NAV2: variants seen among roughly 807,000 people sequenced by gnomAD.
NAV2 encodes neuron navigator 2.
In NAV2, 54 loss-of-function variants were observed where a neutral mutation model predicts 223.2. The ratio of observed to expected loss-of-function variants is 0.24; its 90% CI spans 0.19 to 0.30. NAV2 has a LOEUF of 0.30. Among genes scored for constraint, NAV2 ranks in the 10% least tolerant of loss-of-function variants. The probability of loss-of-function intolerance (pLI) is 1.00; values close to 1 mark genes in which losing one functional copy is unlikely to be tolerated. For missense variants in NAV2, 2,806 were observed against 3,147.5 expected, an observed-to-expected ratio of 0.89 and a Z score of 2.60; for synonymous variants, 1,279 against 1,239.3, an observed-to-expected ratio of 1.03 and a Z score of -0.67.
At chr11:19,726,671 T>C (rs1343561416) in intron 1 of NAV2, among the ~76,000 whole-genome samples, 2 of 152,246 alleles carry the variant, frequency 1.3e-5, no homozygotes, top group African/African-American at 2.4e-5. Context: ...TCTGCCCACT[T>C]TTTGTGATCT....
chr11:20,096,084 G>A (rs1242426210), intron 30 of NAV2, among the ~76,000 whole-genome samples: 2 of 152,210 alleles, frequency 1.3e-5, no homozygotes, highest in African/African-American at 4.8e-5. Context: ...CCTTAGAATT[G>A]TGTCTTAGGA....
chr11:20,064,515 A>G (rs1168714830), intron 20 of NAV2, among the ~76,000 whole-genome samples: 1 of 152,090 alleles, frequency 6.6e-6, no homozygotes, highest in Non-Finnish European at 1.5e-5. Context: ...AAAATGGGAG[A>G]CTGGCCAGCA....
intron 29 of NAV2, among the ~76,000 whole-genome samples, chr11:20,093,743 G>C (rs1241690045): frequency 1.3e-5 from 2 of 152,142 alleles, no homozygotes; most frequent in Non-Finnish European, 2.9e-5. Context: ...AGTTTTCCTA[G>C]TACGGTTTCT....
intron 1 of NAV2, among the ~76,000 whole-genome samples, chr11:19,725,332 G>A (rs1442016754): frequency 2.6e-5 from 4 of 152,158 alleles, no homozygotes; most frequent in South Asian, 2.1e-4. Flanking sequence ...CAGTGCTGCC[G>A]CCCACTAAAC....
At chr11:19,905,902 C>T (rs148412356) in intron 6 of NAV2, among the ~76,000 whole-genome samples, 34 of 152,244 alleles carry the variant, frequency 2.2e-4, no homozygotes, top group South Asian at 1.7e-3. Context: ...CTTGTGGGAG[C>T]GAACCTTTTT....
At position 19,558,274 on chromosome 11, in the gene NAV2, G is replaced by A. The variant is rs999638871; in HGVS notation, c.75+207247G>A. ...CTGCAATTAGGGCAGGGCTCAGTGGGACAGCAACTCGCTTCCTCATGTGAT... is the reference window on the plus strand; with the variant it reads ...CTGCAATTAGGGCAGGGCTCAGTGGAACAGCAACTCGCTTCCTCATGTGAT... On this transcript the variant is annotated intron_variant, in intron 1 of 37. Transcript: ENST00000360655. Among the ~76,000 whole-genome samples, 7 of 152,200 alleles carry A rather than the reference G, an allele frequency of 4.6e-5. No homozygotes were observed. In the South Asian group the frequency reaches 1.2e-3, roughly 27 times the overall value.
At chr11:19,470,732 ACTG>A (rs2041937950) in intron 1 of NAV2, among the ~76,000 whole-genome samples, 1 of 152,180 alleles carries the variant, frequency 6.6e-6, no homozygotes, top group Non-Finnish European at 1.5e-5. Context: ...ACCAATGGGG[ACTG>A]GCAAAAGCAA....
chr11:19,539,391 C>A (rs2044278728), intron 1 of NAV2, among the ~76,000 whole-genome samples: 1 of 152,210 alleles, frequency 6.6e-6, no homozygotes, highest in Non-Finnish European at 1.5e-5. Flanking sequence ...CATCCCAAAC[C>A]TTGTGGTGTG....
intron 1 of NAV2, among the ~76,000 whole-genome samples, chr11:19,732,597 G>A (rs998837390): frequency 1.3e-5 from 2 of 152,218 alleles, no homozygotes. Flanking sequence ...TAGCCAGAGA[G>A]GCGCCTCTGG....
At chr11:19,672,497 C>T (rs868318261) in intron 1 of NAV2, among the ~76,000 whole-genome samples, 31 of 152,242 alleles carry the variant, frequency 2.0e-4, no homozygotes, top group African/African-American at 7.5e-4. Context: ...TAATTTTCCA[C>T]CCATAAAGGG....
At chr11:19,904,085 T>C (rs1047707906) in intron 6 of NAV2, among the ~76,000 whole-genome samples, 1 of 152,216 alleles carries the variant, frequency 6.6e-6, no homozygotes, top group African/African-American at 2.4e-5. Flanking sequence ...AAGGCACTAG[T>C]TGATTTTTGC....
chr11:19,693,847 T>C (rs958346539), intron 1 of NAV2, among the ~76,000 whole-genome samples: 1 of 152,224 alleles, frequency 6.6e-6, no homozygotes, highest in Non-Finnish European at 1.5e-5. Context: ...CGGTCTTCTT[T>C]AGAAAGATCT....
chr11:19,641,401 G>A (rs2047659924), intron 1 of NAV2, among the ~76,000 whole-genome samples: 1 of 151,894 alleles, frequency 6.6e-6, no homozygotes, highest in Admixed American at 6.6e-5. Context: ...ATTACTTTAT[G>A]CCTGGAATAC....
chr11:19,951,425 C>G (rs1412878742), intron 10 of NAV2, among the ~76,000 whole-genome samples: 2 of 96,778 alleles, frequency 2.1e-5, no homozygotes, highest in Admixed American at 2.2e-4. Context: ...CAATAGCATA[C>G]ACCTATTACA....
intron 1 of NAV2, among the ~76,000 whole-genome samples, chr11:19,464,300 A>C (rs754094420): frequency 9.2e-5 from 14 of 152,206 alleles, no homozygotes; most frequent in Non-Finnish European, 1.6e-4. Context: ...GGGGCCCGGA[A>C]AAATAGCTAA....
chr11:19,523,640 A>T (rs535486051), intron 1 of NAV2, among the ~76,000 whole-genome samples: 1 of 152,212 alleles, frequency 6.6e-6, no homozygotes, highest in Non-Finnish European at 1.5e-5. Context: ...TCCTCTAGGA[A>T]GTCCATGTGC....
intron 11 of NAV2, among the ~76,000 whole-genome samples, chr11:20,032,848 G>A (rs529334465): frequency 2.8e-4 from 42 of 152,314 alleles, no homozygotes; most frequent in African/African-American, 9.9e-4. Flanking sequence ...TTTGTCAGGA[G>A]GTATTTAAGG....
intron 1 of NAV2, among the ~76,000 whole-genome samples, chr11:19,539,174 G>A (rs956347495): frequency 5.9e-5 from 9 of 152,276 alleles, no homozygotes; most frequent in South Asian, 2.1e-4. Flanking sequence ...GCCTCATTAC[G>A]ATCAGTTAGA....
chr11:19,484,746 C>T, intron 1 of NAV2, among the ~76,000 whole-genome samples: 1 of 152,234 alleles, frequency 6.6e-6, no homozygotes, highest in East Asian at 1.9e-4. Flanking sequence ...CAGCAACAGG[C>T]TGCTGGGGTC....
Sources: allele counts gnomAD v4.1 joint callset (sites outside exome capture counted in the v4.1 genomes callset), GRCh38; gene constraint gnomAD v4.1.1; transcripts MANE v1.5; gene names NCBI Gene and HGNC (gene_info 2026-07-23, HGNC 2026-07-21).